ABTB3: variants seen among roughly 807,000 people sequenced by gnomAD.
ABTB3 encodes the protein ankyrin repeat- and BTB/POZ domain-containing protein 3.
the ABTB3 span, among the ~76,000 whole-genome samples, chr12:107,488,281 G>A: frequency 6.6e-6 from 1 of 152,058 alleles, no homozygotes; most frequent in Non-Finnish European, 1.5e-5. Context: ...CTCAGTTGGG[G>A]TCATAGTTAT....
At chr12:107,510,788 G>A in the ABTB3 span, among the ~76,000 whole-genome samples, 2 of 152,106 alleles carry the variant, frequency 1.3e-5, no homozygotes, top group African/African-American at 4.8e-5. Flanking sequence ...TGGATGTGGT[G>A]GTGTGCACCT....
chr12:107,350,790 A>G, the ABTB3 span, among the ~76,000 whole-genome samples: 2 of 152,178 alleles, frequency 1.3e-5, no homozygotes, highest in African/African-American at 2.4e-5. Flanking sequence ...GTGGCCTGGT[A>G]TTGAACATGG....
the ABTB3 span, among the ~76,000 whole-genome samples, chr12:107,467,365 A>C: frequency 1.3e-5 from 2 of 152,096 alleles, no homozygotes; most frequent in Non-Finnish European, 2.9e-5. Context: ...ACCTCTGGCC[A>C]GTGATCCCAG....
the ABTB3 span, among the ~76,000 whole-genome samples, chr12:107,352,423 C>A: frequency 1.2e-3 from 183 of 152,272 alleles, 1 homozygote; most frequent in Non-Finnish European, 1.7e-3. Flanking sequence ...CAGAAATAAA[C>A]AGGAACCACA....
chr12:107,626,832 CA>C, the ABTB3 span, among the ~76,000 whole-genome samples: 1 of 152,036 alleles, frequency 6.6e-6, no homozygotes, highest in Non-Finnish European at 1.5e-5. Context: ...TAACCATGAA[CA>C]AAATGACAAC....
chr12:107,343,572 G>A, the ABTB3 span, among the ~76,000 whole-genome samples: 18 of 152,262 alleles, frequency 1.2e-4, no homozygotes, highest in African/African-American at 4.1e-4. Context: ...GTAGGGAGTT[G>A]GTTTTCTCTT....
chr12:107,450,135 T>A, the ABTB3 span, among the ~76,000 whole-genome samples: 2 of 152,158 alleles, frequency 1.3e-5, no homozygotes, highest in African/African-American at 4.8e-5. Context: ...AGGAAATGAT[T>A]TGAGGCATTT....
chr12:107,353,105 G>T, the ABTB3 span, among the ~76,000 whole-genome samples: 1 of 152,176 alleles, frequency 6.6e-6, no homozygotes. Context: ...CCACACTCAA[G>T]GCCAAGAGTC....
the ABTB3 span, chr12:107,659,162 C>A: frequency 6.6e-6 from 1 of 152,200 alleles, no homozygotes; most frequent in African/African-American, 2.4e-5. Context: ...GAAGTTGTGC[C>A]AGACCCTAGA....
the ABTB3 span, among the ~76,000 whole-genome samples, chr12:107,465,274 C>T: frequency 1.1e-4 from 17 of 152,278 alleles, no homozygotes; most frequent in African/African-American, 3.4e-4. Flanking sequence ...GCGAGGAAGG[C>T]ACCGCATGTC....
the ABTB3 span, among the ~76,000 whole-genome samples, chr12:107,425,001 CT>C: frequency 1.3e-5 from 2 of 152,210 alleles, no homozygotes; most frequent in East Asian, 3.8e-4. Context: ...GTGGTCCATG[CT>C]GCGGACACAA....
At chr12:107,365,065 G>A in the ABTB3 span, among the ~76,000 whole-genome samples, 9 of 152,174 alleles carry the variant, frequency 5.9e-5, no homozygotes, top group African/African-American at 1.7e-4. Context: ...GAGTCAGACA[G>A]CCTTGAGTTT....
the ABTB3 span, among the ~76,000 whole-genome samples, chr12:107,369,637 G>A: frequency 2.7e-5 from 4 of 148,468 alleles, no homozygotes; most frequent in Admixed American, 2.0e-4. Flanking sequence ...GACCTCAGAC[G>A]ATCCACCCTC....
At chr12:107,435,512 G>C in the ABTB3 span, among the ~76,000 whole-genome samples, 3 of 152,304 alleles carry the variant, frequency 2.0e-5, no homozygotes, top group South Asian at 6.2e-4. Flanking sequence ...GTACTGTAAG[G>C]ACAGAGGACT....
the ABTB3 span, among the ~76,000 whole-genome samples, chr12:107,458,168 A>G: frequency 3.8e-4 from 58 of 152,242 alleles, no homozygotes; most frequent in South Asian, 0.012. Context: ...TTCCCAGCCC[A>G]GTGCAAAGGG....
At chr12:107,602,016 C>T in the ABTB3 span, among the ~76,000 whole-genome samples, 60 of 152,308 alleles carry the variant, frequency 3.9e-4, 1 homozygote, top group East Asian at 9.1e-3. Flanking sequence ...CAGAGTTACA[C>T]TGGAGTAAAA....
At chr12:107,628,555 G>A in the ABTB3 span, among the ~76,000 whole-genome samples, 1 of 152,080 alleles carries the variant, frequency 6.6e-6, no homozygotes, top group Non-Finnish European at 1.5e-5. Flanking sequence ...TCACATTTGA[G>A]CATTTCTCCA....
chr12:107,585,004 G>C, the ABTB3 span, among the ~76,000 whole-genome samples: 10 of 152,198 alleles, frequency 6.6e-5, no homozygotes, highest in African/African-American at 2.2e-4. Context: ...GGAGTGGGGA[G>C]GGCAGTGGAA....
the ABTB3 span, among the ~76,000 whole-genome samples, chr12:107,338,642 C>T: frequency 5.3e-5 from 8 of 152,156 alleles, no homozygotes; most frequent in Admixed American, 2.0e-4. Context: ...CCAAGGAATA[C>T]GTTATGTTGG....
Sources: gnomAD v4.1 joint callset for allele counts (sites outside exome capture counted in the v4.1 genomes callset) on GRCh38, gnomAD v4.1.1 for gene constraint, MANE v1.5 for transcripts, NCBI Gene and HGNC (gene_info 2026-07-23, HGNC 2026-07-21) for gene names.